DENND6A: variants seen among roughly 807,000 people sequenced by gnomAD.
DENND6A encodes protein DENND6A.
A neutral mutation model predicts 95.5 loss-of-function variants in DENND6A; 43 were observed. The ratio of observed to expected loss-of-function variants is 0.45; its 90% CI spans 0.35 to 0.58. The LOEUF is 0.58. Ranked by LOEUF, DENND6A falls within the 20% of genes least tolerant of loss-of-function variation. The pLI is 0.00. For synonymous variants in DENND6A, 257 were observed against 260.4 expected, an observed-to-expected ratio of 0.99 and a Z score of 0.13; for missense variants, 574 against 736.0, an observed-to-expected ratio of 0.78 and a Z score of 2.55.
intron 12 of DENND6A, among the ~76,000 whole-genome samples, chr3:57,636,328 A>G (rs2070791366): frequency 6.6e-6 from 1 of 152,208 alleles, no homozygotes; most frequent in Non-Finnish European, 1.5e-5. Context: ...CTGTCCCAGT[A>G]ATAATTTTAA....
At chr3:57,661,070 G>A (rs1159175460) in intron 6 of DENND6A, among the ~76,000 whole-genome samples, 1 of 152,096 alleles carries the variant, frequency 6.6e-6, no homozygotes, top group Non-Finnish European at 1.5e-5. Flanking sequence ...AAGTATTAAA[G>A]GGAGTTTTTG....
At chr3:57,676,223 C>CA (rs1376242993) in intron 1 of DENND6A, among the ~76,000 whole-genome samples, 1 of 151,904 alleles carries the variant, frequency 6.6e-6, no homozygotes. Flanking sequence ...ACTAAAAATA[C>CA]AAAAAACTTA....
chr3:57,687,541 A>T (rs1009827580), intron 1 of DENND6A, among the ~76,000 whole-genome samples: 1 of 152,150 alleles, frequency 6.6e-6, no homozygotes, highest in Non-Finnish European at 1.5e-5. Flanking sequence ...TAAATAACGG[A>T]TTTTCATTGT....
intron 11 of DENND6A, 114 bp from the exon 12 acceptor site, chr3:57,641,861 T>C: frequency 1.3e-6 from 1 of 756,838 alleles, no homozygotes; most frequent in Non-Finnish European, 2.1e-6. Flanking sequence ...TGATTTTTCC[T>C]TTATTCAACA....
rs1371974728 is a variant in DENND6A, at chr3:57,646,408, C to T, written c.849G>A (p.Gln283=). The change falls in exon 10 of 20, where the codon CAG becomes CAA. Residue 283 remains glutamine, a synonymous_variant. Transcript: ENST00000311128. ...CCAACAGCACCAGCTCCCAGAGCAT[C>T]TGACTATGAAGGAAAACTGGGCAGA... ...RCFCPVFLHS[Q]MLWELVLLGE... 6.2e-7 allele frequency: 1 copy of T among 1,613,898 alleles called. No individual in the cohort carries two copies. The highest frequency in any genetic ancestry group is 1.7e-5 in the Admixed American group (1 of 59,976).
chr3:57,644,897 C>T (rs12490892), intron 11 of DENND6A, among the ~76,000 whole-genome samples: 123,415 of 149,634 alleles, frequency 0.82, 51,117 homozygotes, highest in East Asian at 1. Flanking sequence ...TATTGATGAT[C>T]TGGCAAGAAC....
chr3:57,641,821 ACTTT>A, intron 11 of DENND6A, 74 bp from the exon 12 acceptor site: 1 of 1,306,532 alleles, frequency 7.7e-7, no homozygotes. Context: ...AGAATAGTTT[ACTTT>A]TTTTTTCAAT....
intron 9 of DENND6A, 52 bp downstream of exon 9, chr3:57,657,628 C>T (rs1490556967): frequency 1.7e-6 from 2 of 1,189,074 alleles, no homozygotes; most frequent in Admixed American, 4.4e-5. Context: ...TAAATTAACA[C>T]CACCACCACA....
intron 7 of DENND6A, 70 bp from the exon 8 acceptor site, chr3:57,659,250 C>T (rs1350201092): frequency 1.3e-6 from 2 of 1,533,202 alleles, no homozygotes; most frequent in Non-Finnish European, 1.8e-6. Context: ...TATCCTGCTG[C>T]TAAAAAGGTA....
chr3:57,682,080 T>C lies in DENND6A; in HGVS notation c.238-9642A>G, dbSNP rs539207779. On this transcript the variant is annotated intron_variant, in intron 1 of 19. Coordinates refer to ENST00000311128, the MANE Select transcript of DENND6A (RefSeq NM_152678.3). The stretch of plus-strand genomic sequence containing the variant: ...GTCTCTCTCCCATTGAGCTTGAGGT[T>C]TTCTTCCTTCAATAACCATTGTTAA... Among the ~76,000 whole-genome samples, 8 of 152,256 alleles carry C rather than the reference T, an allele frequency of 5.3e-5. No individual in the cohort carries two copies. The East Asian group carries it at 1.5e-3, about 29-fold the overall frequency.
chr3:57,632,810 G>A (rs72874824), intron 15 of DENND6A, among the ~76,000 whole-genome samples: 1,783 of 152,146 alleles, frequency 0.012, 33 homozygotes, highest in African/African-American at 0.04. Flanking sequence ...CCAGTCTGAC[G>A]AATTAATAAC....
intron 5 of DENND6A, among the ~76,000 whole-genome samples, 157 bp downstream of exon 5, chr3:57,663,479 A>T (rs1287254948): frequency 2.3e-5 from 3 of 128,672 alleles, no homozygotes; most frequent in African/African-American, 1.0e-4. Context: ...AAAAAAAAAA[A>T]AAAAAAAAAT....
chr3:57,656,444 T>C (rs1559818054), intron 9 of DENND6A, among the ~76,000 whole-genome samples: 1 of 152,192 alleles, frequency 6.6e-6, no homozygotes. Context: ...GATACTTCGG[T>C]TGTGTATAGT....
At chr3:57,639,092 T>C (rs2070868413) in intron 12 of DENND6A, among the ~76,000 whole-genome samples, 2 of 152,078 alleles carry the variant, frequency 1.3e-5, no homozygotes. Flanking sequence ...CACAAGACCC[T>C]ATCACACACA....
At chr3:57,662,469 T>C (rs2071441980) in intron 5 of DENND6A, among the ~76,000 whole-genome samples, 1 of 152,084 alleles carries the variant, frequency 6.6e-6, no homozygotes, top group Non-Finnish European at 1.5e-5. Flanking sequence ...TCCCGAAGTG[T>C]TGGGATTACA....
At chr3:57,629,396 C>T (rs552934980) in intron 18 of DENND6A, among the ~76,000 whole-genome samples, 1 of 151,904 alleles carries the variant, frequency 6.6e-6, no homozygotes, top group Admixed American at 6.6e-5. Flanking sequence ...GTTAGCACAC[C>T]TCACATTTAA....
chr3:57,682,091 A>G (rs1267783821), intron 1 of DENND6A, among the ~76,000 whole-genome samples: 3 of 152,142 alleles, frequency 2.0e-5, no homozygotes, highest in Non-Finnish European at 2.9e-5. Context: ...TTCTTCCTTC[A>G]ATAACCATTG....
rs1425283045 is a variant in DENND6A at position 57,626,277 on chromosome 3, A to G, written c.*1937T>C. The G allele has an allele frequency of 3.9e-5, 6 of 152,624 alleles. No homozygotes were observed. Among genetic ancestry groups the G allele is most frequent in the Admixed American group, 1.3e-4 (2 of 15,276 alleles). The allele number at this position is 152,624 out of a possible 1,614,324, so 9.5% of individuals were successfully genotyped here. A position where few individuals can be genotyped will look rare whatever the true frequency, so the allele number is the denominator to read the frequency against. ...CTTTCTTGGGTCAGGAATGCCCTTA[A>G]GAGTTATATCGACAGAGAACAAAAG... On this transcript the variant is annotated 3_prime_UTR_variant, in exon 20 of 20. Transcript: ENST00000311128.
At chr3:57,669,445 G>T (rs1463338654) in intron 3 of DENND6A, among the ~76,000 whole-genome samples, 2 of 152,060 alleles carry the variant, frequency 1.3e-5, no homozygotes, top group Non-Finnish European at 2.9e-5. Flanking sequence ...GTCAGGCGTG[G>T]TAGCTCACAC....
Sources: allele counts gnomAD v4.1 joint callset (sites outside exome capture counted in the v4.1 genomes callset), GRCh38; gene constraint gnomAD v4.1.1; transcripts MANE v1.5; gene names NCBI Gene and HGNC (gene_info 2026-07-23, HGNC 2026-07-21).